The following ATRIP variants were observed in gnomAD, a reference collection of about 807,000 sequenced individuals.
ATRIP encodes the protein ATR-interacting protein.
ATRIP carries 44 observed loss-of-function variants against 78.1 expected under a neutral mutation model. The observed-to-expected ratio is 0.56, with a 90% confidence interval of 0.44 to 0.72. The LOEUF (loss-of-function observed/expected upper bound fraction) is 0.72. Among genes scored for constraint, ATRIP ranks in the 30% least tolerant of loss-of-function variants. The pLI, the probability that ATRIP is intolerant of heterozygous loss-of-function variation, is 0.00. For synonymous variants in ATRIP, 388 were observed against 408.9 expected (o/e 0.95, Z 0.62); for missense variants, 927 against 980.2 (o/e 0.95, Z 0.72).
rs2040312349 is a variant in ATRIP at position 48,466,584 on chromosome 3, A to C, written c.*1030A>C. ...CCCTACCCCACTCCCTCCCCTTCGG[A>C]TCTTAACACTGGGCACTCACACACC... On this transcript the variant is annotated 3_prime_UTR_variant, in exon 13 of 13. Transcript: ENST00000320211. 1 of 1,607,232 alleles carries C rather than the reference A, an allele frequency of 6.2e-7. No individual in the cohort carries two copies. The highest frequency in any genetic ancestry group is 1.3e-5 in the African/African-American group (1 of 74,162).
chr3:48,466,775 C>G lies in ATRIP; in HGVS notation c.*1221C>G. The G allele has an allele frequency of 6.2e-7, 1 of 1,613,950 alleles. No homozygotes were observed. Among genetic ancestry groups the G allele is most frequent in the Non-Finnish European group, 8.5e-7 (1 of 1,180,018 alleles). ...CGGAGCTGTGCCTGCTGGCTGTCCA[C>G]AGATGTGCCCTGGAGAGCCCCCCCA... On this transcript the variant is annotated 3_prime_UTR_variant, in exon 13 of 13. Coordinates refer to ENST00000320211, the MANE Select transcript of ATRIP (RefSeq NM_130384.3).
At position 48,464,845 on chromosome 3, in the gene ATRIP, C is replaced by T; in HGVS notation, c.2070C>T (p.Leu690=). ...CCCTCTCTCAGGTGGTCAGAGCGCTCACGGTGATGTTGCACAGACAGTGGC... is the reference window on the plus strand; with the variant it reads ...CCCTCTCTCAGGTGGTCAGAGCGCTTACGGTGATGTTGCACAGACAGTGGC... ...CQCNVEVVRA[L]TVMLHRQWLT... is the part of the protein sequence containing the mutation. The change falls in exon 12 of 13, where the codon CTC becomes CTT. Residue 690 remains leucine, a synonymous_variant. Transcript: ENST00000320211. 6.2e-7 allele frequency: 1 copy of T among 1,611,638 alleles called. No individual in the cohort carries two copies. The highest frequency in any genetic ancestry group is 8.5e-7 in the Non-Finnish European group (1 of 1,178,206).
At chr3:48,454,529 C>A in intron 4 of ATRIP, 111 bp downstream of exon 4, 2 of 692,206 alleles carry the variant, frequency 2.9e-6, no homozygotes, top group Non-Finnish European at 4.9e-6. Context: ...TCCACCTGGG[C>A]AGAGATCCTC....
At chr3:48,458,078 CTTTT>C (rs1328630526) in intron 5 of ATRIP, among the ~76,000 whole-genome samples, 1 of 133,840 alleles carries the variant, frequency 7.5e-6, no homozygotes, top group Non-Finnish European at 1.6e-5. Context: ...ATTTGTGGGC[CTTTT>C]TTTTTTTTTT....
chr3:48,465,926 C>T lies in ATRIP; in HGVS notation c.*372C>T. 1 of 290,216 alleles carries T rather than the reference C, an allele frequency of 3.4e-6. No individual in the cohort carries two copies. Among genetic ancestry groups the T allele is most frequent in the South Asian group, 3.4e-5 (1 of 29,044 alleles). The allele number at this position is 290,216 out of a possible 1,614,324, so 18.0% of individuals were successfully genotyped here. On this transcript the variant is annotated 3_prime_UTR_variant, in exon 13 of 13. Transcript: ENST00000320211. ...GCCTAAACCAGGAAAGCCTGGGAAA[C>T]TGGGACCCACAGGTGGGCATGAAAG...
chr3:48,465,191 C>G (rs2040244528), intron 12 of ATRIP, 108 bp downstream of exon 12: 2 of 1,410,274 alleles, frequency 1.4e-6, no homozygotes, highest in Admixed American at 4.2e-5. Flanking sequence ...CCCACTGCAG[C>G]CTGTTCCAGC....
chr3:48,452,803 G>A (rs1209856874), intron 3 of ATRIP, among the ~76,000 whole-genome samples: 3 of 150,496 alleles, frequency 2.0e-5, no homozygotes, highest in Non-Finnish European at 4.4e-5. Context: ...ATAACCAAAA[G>A]CAACCAAAAG....
At chr3:48,452,804 C>G (rs1310925438) in intron 3 of ATRIP, among the ~76,000 whole-genome samples, 1 of 151,020 alleles carries the variant, frequency 6.6e-6, no homozygotes, top group East Asian at 1.9e-4. Flanking sequence ...TAACCAAAAG[C>G]AACCAAAAGC....
chr3:48,461,702 T>C (rs2040117354), intron 8 of ATRIP, among the ~76,000 whole-genome samples: 1 of 151,922 alleles, frequency 6.6e-6, no homozygotes, highest in Non-Finnish European at 1.5e-5. Context: ...TGTTTATTTG[T>C]TTGTTTTTGT....
intron 3 of ATRIP, 65 bp downstream of exon 3, chr3:48,451,964 C>G: frequency 6.9e-7 from 1 of 1,451,918 alleles, no homozygotes. Context: ...ACCAGGGTTG[C>G]CTGTAAATCT....
rs771916103 is a variant in ATRIP, at chr3:48,466,573, C to G, written c.*1019C>G. The stretch of plus-strand genomic sequence containing the variant: ...TTCTGCCCACCCCCTACCCCACTCC[C>G]TCCCCTTCGGATCTTAACACTGGGC... On this transcript the variant is annotated 3_prime_UTR_variant, in exon 13 of 13. Coordinates refer to ENST00000320211, the MANE Select transcript of ATRIP (RefSeq NM_130384.3). 6.2e-6 allele frequency: 10 copies of G among 1,613,910 alleles called. No homozygotes were observed. Among genetic ancestry groups the G allele is most frequent in the Non-Finnish European group, 8.5e-6 (10 of 1,179,998 alleles).
chr3:48,459,506 T>A (rs370097193), intron 6 of ATRIP, 52 bp downstream of exon 6: 1 of 1,544,030 alleles, frequency 6.5e-7, no homozygotes, highest in East Asian at 2.2e-5. Flanking sequence ...CTGAGTAATA[T>A]GCAGAAGAAT....
At chr3:48,450,279 C>T in intron 2 of ATRIP, 109 bp downstream of exon 2, 1 of 1,350,226 alleles carries the variant, frequency 7.4e-7, no homozygotes, top group Non-Finnish European at 1.0e-6. Flanking sequence ...TAGATTCATC[C>T]CTATGACATG....
rs1421453199 is a variant in ATRIP, at chr3:48,466,184, C to T, written c.*630C>T. 16 of 522,554 alleles carry T rather than the reference C, an allele frequency of 3.1e-5. No homozygotes were observed. Among genetic ancestry groups the T allele is most frequent in the South Asian group, 2.4e-4 (12 of 49,724 alleles). The allele number at this position is 522,554 out of a possible 1,614,324, so 32.4% of individuals were successfully genotyped here. On this transcript the variant is annotated 3_prime_UTR_variant, in exon 13 of 13. Transcript: ENST00000320211. ...AGACCAGGCAGGCTGACGAGCAGGGCGGGCCTGGCTCACGTGGGCCTGTAG... is the reference window on the plus strand; with the variant it reads ...AGACCAGGCAGGCTGACGAGCAGGGTGGGCCTGGCTCACGTGGGCCTGTAG...
chr3:48,457,125 CATATAAT>C, intron 4 of ATRIP, 127 bp from the exon 5 acceptor site: 1 of 682,374 alleles, frequency 1.5e-6, no homozygotes, highest in Non-Finnish European at 2.2e-6. Context: ...GAATGGTAGA[CATATAAT>C]AGATAAAACC....
chr3:48,457,406 G>A lies in ATRIP; in HGVS notation c.819G>A (p.Val273=), dbSNP rs1432802858. The A allele has an allele frequency of 1.3e-6, 2 of 1,577,244 alleles. No homozygotes were observed. The highest frequency in any genetic ancestry group is 1.9e-5 in the Admixed American group (1 of 52,682). Residue 273 remains valine (V), a synonymous_variant, in exon 5 of 13, where the codon GTG becomes GTA. Transcript: ENST00000320211. Reference sequence around the variant, plus strand: ...CGGAGTCAGGATACAAGCCTCTGGTGGGCAGAGAGGGTAAGTCCATTAGTC... The same window carrying A: ...CGGAGTCAGGATACAAGCCTCTGGTAGGCAGAGAGGGTAAGTCCATTAGTC... ...CQTESGYKPL[V]GREDSKPHSL...
intron 4 of ATRIP, 113 bp from the exon 5 acceptor site, chr3:48,457,146 G>T: frequency 2.0e-6 from 2 of 981,696 alleles, no homozygotes; most frequent in Non-Finnish European, 2.8e-6. Flanking sequence ...TAAAACCTTT[G>T]GTTAAAACAC....
chr3:48,456,385 C>T (rs547186921), intron 4 of ATRIP, among the ~76,000 whole-genome samples: 1 of 152,174 alleles, frequency 6.6e-6, no homozygotes, highest in South Asian at 2.1e-4. Context: ...TCAGGACTAG[C>T]CTAGGCAACA....
chr3:48,450,058 T>G lies in ATRIP; in HGVS notation c.269T>G (p.Leu90Ter). The change falls in exon 2 of 13, where the codon TTA becomes TGA. Residue 90 changes from leucine to a stop codon, truncating the protein, a stop_gained. Coordinates refer to ENST00000320211, the MANE Select transcript of ATRIP (RefSeq NM_130384.3). LOFTEE classifies it high-confidence loss of function. The stretch of plus-strand genomic sequence containing the variant: ...ACAGGTGATCATAAGGTCCACAGAT[T>G]ATTAGATGGCATGTCAAAAAATCCT... Reference protein sequence around the residue: ...DVSSDHKVHRLLDGMSKNPSG... With the variant: ...DVSSDHKVHR The G allele has an allele frequency of 6.2e-7, 1 of 1,613,536 alleles. No homozygotes were observed. The highest frequency in any genetic ancestry group is 8.5e-7 in the Non-Finnish European group (1 of 1,179,826).
Sources: allele counts gnomAD v4.1 joint callset (sites outside exome capture counted in the v4.1 genomes callset), GRCh38; gene constraint gnomAD v4.1.1; transcripts MANE v1.5; gene names NCBI Gene and HGNC (gene_info 2026-07-23, HGNC 2026-07-21).